The following DIPK1A variants were observed in gnomAD, a reference collection of about 807,000 sequenced individuals.
DIPK1A encodes the protein divergent protein kinase domain 1A.
A neutral mutation model predicts 40.8 loss-of-function variants in DIPK1A; 27 were observed. That is an observed-to-expected ratio of 0.66 (90% CI 0.49 to 0.91). DIPK1A has a LOEUF of 0.91. Among genes scored for constraint, DIPK1A ranks in the 40% least tolerant of loss-of-function variants. The pLI is 0.00. For missense variants in DIPK1A, 412 were observed against 505.7 expected (o/e 0.81, Z 1.78); for synonymous variants, 166 against 171.3 (o/e 0.97, Z 0.24).
At chr1:92,855,386 C>G (rs1050648971) in intron 2 of DIPK1A, among the ~76,000 whole-genome samples, 1 of 151,822 alleles carries the variant, frequency 6.6e-6, no homozygotes, top group Non-Finnish European at 1.5e-5. Context: ...ACCAACCAAC[C>G]AACCAAACAA....
chr1:92,844,133 A>G lies in DIPK1A; in HGVS notation c.537T>C (p.Asp179=), dbSNP rs1687496347. ...AGGAAACCTGGCCATCTTTGTCTCC[A>G]TCAGCCACCGTCAAGATGAGATTAA... ...ELVNLILTVA[D]GDKDGQVSLG... The change falls in exon 5 of 5, where the codon GAT becomes GAC. Residue 179 remains aspartate, a synonymous_variant. Coordinates refer to ENST00000370310, the MANE Select transcript of DIPK1A (RefSeq NM_001006605.5). 1 of 1,551,720 alleles carries G rather than the reference A, an allele frequency of 6.4e-7. No homozygotes were observed. The highest frequency in any genetic ancestry group is 8.7e-7 in the Non-Finnish European group (1 of 1,146,988).
At position 92,843,760 on chromosome 1, in the gene DIPK1A, C is replaced by T; in HGVS notation, c.910G>A (p.Asp304Asn). 1 of 1,551,742 alleles carries T rather than the reference C, an allele frequency of 6.4e-7. No individual in the cohort carries two copies. Among genetic ancestry groups the T allele is most frequent in the East Asian group, 2.4e-5 (1 of 40,920 alleles). The change falls in exon 5 of 5, where the codon GAT (aspartate) becomes AAT (asparagine). Residue 304 changes from aspartate to asparagine, a missense_variant. By Grantham distance (23) the Asp-to-Asn change is conservative. Coordinates refer to ENST00000370310, the MANE Select transcript of DIPK1A (RefSeq NM_001006605.5). ...DTSAKNLGYNDKYDLKMVDMR... is the reference protein window; with the variant it reads ...DTSAKNLGYNNKYDLKMVDMR... ...TCCACCATTTTCAAATCATACTTAT[C>T]ATTATATCCTAGGTTTTTGGCACTA...
At chr1:92,838,771 C>G (rs1345893941), downstream of DIPK1A, among the ~76,000 whole-genome samples, 1 of 152,166 alleles carries the variant, frequency 6.6e-6, no homozygotes, top group Non-Finnish European at 1.5e-5. Flanking sequence ...ATGAAGTCAT[C>G]AAATGGATTT....
intron 1 of DIPK1A, among the ~76,000 whole-genome samples, chr1:92,928,875 T>C (rs576387993): frequency 2.0e-4 from 30 of 152,070 alleles, no homozygotes; most frequent in Admixed American, 3.3e-4. Context: ...GGCAGGAGAA[T>C]TGCTCGAACC....
intron 1 of DIPK1A, among the ~76,000 whole-genome samples, chr1:92,910,123 T>C (rs1649774792): frequency 6.6e-6 from 1 of 152,222 alleles, no homozygotes; most frequent in Admixed American, 6.5e-5. Flanking sequence ...ACATTCTTTC[T>C]TCAACACGTG....
At chr1:92,855,721 C>T (rs1687966578) in intron 2 of DIPK1A, among the ~76,000 whole-genome samples, 1 of 150,388 alleles carries the variant, frequency 6.6e-6, no homozygotes, top group African/African-American at 2.4e-5. Flanking sequence ...GAAAACCCAA[C>T]AATAATGAAA....
rs1178366213 is a variant in DIPK1A at position 92,897,272 on chromosome 1, T to C, written c.55-20842A>G. 4.6e-5 allele frequency among the ~76,000 whole-genome samples: 7 copies of C among 152,138 alleles called. No homozygotes were observed. In the East Asian group the frequency reaches 1.3e-3, roughly 29 times the overall value. On this transcript the variant is annotated intron_variant, in intron 1 of 4. Coordinates refer to ENST00000370310, the MANE Select transcript of DIPK1A (RefSeq NM_001006605.5). ...AACCAACCCAAATGTCCATCAGTGATAGACTGGATTAAGAAAATGTGGCAC... is the reference window on the plus strand; with the variant it reads ...AACCAACCCAAATGTCCATCAGTGACAGACTGGATTAAGAAAATGTGGCAC...
chr1:92,845,443 C>A, intron 4 of DIPK1A: 1 of 289,594 alleles, frequency 3.5e-6, no homozygotes, highest in South Asian at 2.5e-5. Context: ...CCAAGGTGGG[C>A]AGATAGCTTG....
At position 92,843,333 on chromosome 1, in the gene DIPK1A, GTTC is replaced by G. The variant is rs1687450523; in HGVS notation, c.*47_*49del. 2.7e-6 allele frequency: 4 copies of G among 1,460,960 alleles called. No homozygotes were observed. Among genetic ancestry groups the G allele is most frequent in the East Asian group, 2.5e-5 (1 of 40,158 alleles). The allele number at this position is 1,460,960 out of a possible 1,614,324, so 90.5% of individuals were successfully genotyped here. On this transcript the variant is annotated 3_prime_UTR_variant, in exon 5 of 5. Transcript: ENST00000370310. Reference sequence around the variant, plus strand: ...CCATTTTTTTTTAATGCTCAAAATTGTTCTTTAAAAGTGGCAGGTTTCTTAAAA... The same window carrying G: ...CCATTTTTTTTTAATGCTCAAAATTGTTTAAAAGTGGCAGGTTTCTTAAAA...
intron 1 of DIPK1A, among the ~76,000 whole-genome samples, chr1:92,894,527 A>G (rs956565480): frequency 3.9e-5 from 6 of 152,110 alleles, no homozygotes; most frequent in Non-Finnish European, 8.8e-5. Context: ...AATTTATAGC[A>G]CTAAATGCCC....
rs148754702 is a variant in DIPK1A, at chr1:92,892,359, G to A, written c.55-15929C>T. On this transcript the variant is annotated intron_variant, in intron 1 of 4. Coordinates refer to ENST00000370310, the MANE Select transcript of DIPK1A (RefSeq NM_001006605.5). ...CAACATTTGCTGTTCATCAATATCC[G>A]CTGTTCTGCAGCCTCTGCTGCTGAT... 2.3e-3 allele frequency among the ~76,000 whole-genome samples: 357 copies of A among 152,166 alleles called. 2 individuals are homozygous for A. Among genetic ancestry groups the A allele is most frequent in the Non-Finnish European group, 4.0e-3 (272 of 68,024 alleles).
chr1:92,954,365 TCTTTC>T (rs1651758474), intron 1 of DIPK1A, among the ~76,000 whole-genome samples: 2 of 105,508 alleles, frequency 1.9e-5, no homozygotes, highest in Non-Finnish European at 1.8e-5. Flanking sequence ...CTTTATCTTT[TCTTTC>T]TTTTTTTTTT....
intron 1 of DIPK1A, among the ~76,000 whole-genome samples, chr1:92,878,679 G>A (rs1479917836): frequency 6.6e-6 from 1 of 152,168 alleles, no homozygotes; most frequent in African/African-American, 2.4e-5. Context: ...AATTAGCCGG[G>A]CGAGGTGGCG....
chr1:92,851,380 C>G (rs1246284946), intron 2 of DIPK1A, among the ~76,000 whole-genome samples: 1 of 151,362 alleles, frequency 6.6e-6, no homozygotes, highest in Non-Finnish European at 1.5e-5. Context: ...CCCATCTCTA[C>G]TAAAATAAAA....
chr1:92,893,174 A>C (rs1648978253), intron 1 of DIPK1A, among the ~76,000 whole-genome samples: 1 of 150,772 alleles, frequency 6.6e-6, no homozygotes. Flanking sequence ...ACTCCTCGAG[A>C]AGAGCAACTC....
At chr1:92,945,474 G>C (rs1651325555) in intron 1 of DIPK1A, among the ~76,000 whole-genome samples, 1 of 152,124 alleles carries the variant, frequency 6.6e-6, no homozygotes, top group South Asian at 2.1e-4. Flanking sequence ...AGAAGAAAAA[G>C]TAGTCCTAAC....
intron 1 of DIPK1A, among the ~76,000 whole-genome samples, chr1:92,908,145 T>A (rs960679240): frequency 6.6e-6 from 1 of 152,174 alleles, no homozygotes; most frequent in Non-Finnish European, 1.5e-5. Flanking sequence ...CTATGAGTCA[T>A]GCAAGTGATA....
chr1:92,890,691 C>A (rs1161242981), intron 1 of DIPK1A, among the ~76,000 whole-genome samples: 1 of 152,052 alleles, frequency 6.6e-6, no homozygotes, highest in Non-Finnish European at 1.5e-5. Context: ...AATTATTTTT[C>A]CAGTGTGCGG....
intron 1 of DIPK1A, among the ~76,000 whole-genome samples, chr1:92,951,265 T>C (rs1336926046): frequency 2.0e-5 from 3 of 151,978 alleles, no homozygotes; most frequent in Non-Finnish European, 2.9e-5. Flanking sequence ...GGCTTTGAAG[T>C]TGGAGAAAGG....
Sources: gnomAD v4.1 joint callset for allele counts (sites outside exome capture counted in the v4.1 genomes callset) on GRCh38, gnomAD v4.1.1 for gene constraint, MANE v1.5 for transcripts, NCBI Gene and HGNC (gene_info 2026-07-23, HGNC 2026-07-21) for gene names.